CPAP: variants seen among roughly 807,000 people sequenced by gnomAD.
CPAP encodes centrosome assembly and centriole elongation protein.
the CPAP span, among the ~76,000 whole-genome samples, chr13:24,920,253 T>C: frequency 7.9e-5 from 12 of 152,250 alleles, no homozygotes; most frequent in South Asian, 1.9e-3. Flanking sequence ...ATCATGAATA[T>C]AGTTGTTACA....
the CPAP span, among the ~76,000 whole-genome samples, chr13:24,884,745 C>A: frequency 6.6e-6 from 1 of 152,194 alleles, no homozygotes; most frequent in Admixed American, 6.5e-5. Context: ...TACTGCTTTG[C>A]CTGTTGTTCT....
At chr13:24,927,511 C>T in the CPAP span, among the ~76,000 whole-genome samples, 1 of 152,136 alleles carries the variant, frequency 6.6e-6, no homozygotes, top group Non-Finnish European at 1.5e-5. Context: ...GGGCTCCCTT[C>T]CCCCCGCAGT....
chr13:24,905,721 T>C, the CPAP span: 1 of 1,614,236 alleles, frequency 6.2e-7, no homozygotes, highest in Non-Finnish European at 8.5e-7. Flanking sequence ...TTATGTTTTA[T>C]GCTTTCCATG....
At chr13:24,894,800 G>A in the CPAP span, among the ~76,000 whole-genome samples, 8 of 152,086 alleles carry the variant, frequency 5.3e-5, no homozygotes, top group Non-Finnish European at 1.2e-4. Context: ...TGCAAAGGGA[G>A]GGAGAGGCCG....
the CPAP span, among the ~76,000 whole-genome samples, chr13:24,919,631 G>C: frequency 6.6e-6 from 1 of 152,222 alleles, no homozygotes; most frequent in African/African-American, 2.4e-5. Context: ...TGTTGCCCAT[G>C]CTGGTCTCAA....
the CPAP span, chr13:24,883,455 G>C: frequency 9.2e-7 from 1 of 1,085,306 alleles, no homozygotes; most frequent in Non-Finnish European, 1.3e-6. Context: ...GTAGCCTTTT[G>C]AGTCTGGCAG....
chr13:24,903,449 G>A, the CPAP span, among the ~76,000 whole-genome samples: 1 of 152,204 alleles, frequency 6.6e-6, no homozygotes, highest in Non-Finnish European at 1.5e-5. Context: ...GGCAGAGACT[G>A]GAGTGATGTA....
chr13:24,910,557 A>G, the CPAP span, among the ~76,000 whole-genome samples: 1 of 152,182 alleles, frequency 6.6e-6, no homozygotes, highest in Non-Finnish European at 1.5e-5. Flanking sequence ...AGTTATTGGT[A>G]AATACAGCCC....
chr13:24,885,959 G>A, the CPAP span: 18 of 445,606 alleles, frequency 4.0e-5, no homozygotes, highest in Non-Finnish European at 7.4e-5. Context: ...ATCACAAGGT[G>A]TAAGGTGCAG....
At chr13:24,887,264 TTATAAG>T in the CPAP span, among the ~76,000 whole-genome samples, 1 of 152,156 alleles carries the variant, frequency 6.6e-6, no homozygotes, top group African/African-American at 2.4e-5. Context: ...TTTATGTAGA[TTATAAG>T]TATACCACTT....
At chr13:24,931,719 C>T in the CPAP span, among the ~76,000 whole-genome samples, 1 of 152,198 alleles carries the variant, frequency 6.6e-6, no homozygotes, top group South Asian at 2.1e-4. Flanking sequence ...TAACTAGTTA[C>T]AAACACTATC....
At chr13:24,893,663 C>T in the CPAP span, among the ~76,000 whole-genome samples, 1 of 152,232 alleles carries the variant, frequency 6.6e-6, no homozygotes, top group Non-Finnish European at 1.5e-5. Flanking sequence ...GATCCACAAC[C>T]TCCATGAATA....
the CPAP span, among the ~76,000 whole-genome samples, chr13:24,888,987 C>T: frequency 9.9e-5 from 15 of 151,936 alleles, no homozygotes; most frequent in African/African-American, 3.4e-4. Flanking sequence ...GTTGAGCATC[C>T]TTAATCCACA....
chr13:24,902,560 C>A, the CPAP span, among the ~76,000 whole-genome samples: 3 of 152,190 alleles, frequency 2.0e-5, no homozygotes, highest in Non-Finnish European at 4.4e-5. Context: ...TAATAGCTGT[C>A]TATAAACCTT....
At chr13:24,912,071 T>C in the CPAP span, 1 of 1,612,408 alleles carries the variant, frequency 6.2e-7, no homozygotes, top group South Asian at 1.1e-5. Flanking sequence ...TTCTTTCAGC[T>C]TTTTAAATAC....
the CPAP span, among the ~76,000 whole-genome samples, chr13:24,915,735 G>A: frequency 5.9e-5 from 9 of 152,272 alleles, no homozygotes; most frequent in East Asian, 1.5e-3. Context: ...GGAGGCGGGG[G>A]TTGCAGTGAG....
At chr13:24,907,968 T>C in the CPAP span, 21 of 1,244,424 alleles carry the variant, frequency 1.7e-5, no homozygotes, top group Non-Finnish European at 2.5e-5. Flanking sequence ...TAATAAAGGC[T>C]AGCTATTGTA....
chr13:24,901,985 T>C, the CPAP span, among the ~76,000 whole-genome samples: 7 of 152,166 alleles, frequency 4.6e-5, no homozygotes, highest in African/African-American at 1.7e-4. Context: ...AGCCAGACCC[T>C]GTCTCAAAAA....
the CPAP span, among the ~76,000 whole-genome samples, chr13:24,912,246 G>C: frequency 6.6e-6 from 1 of 151,946 alleles, no homozygotes; most frequent in South Asian, 2.1e-4. Context: ...CCTTACGAAG[G>C]AAATCTTATC....
Sources: gnomAD v4.1 joint callset for allele counts (sites outside exome capture counted in the v4.1 genomes callset) on GRCh38, gnomAD v4.1.1 for gene constraint, MANE v1.5 for transcripts, NCBI Gene and HGNC (gene_info 2026-07-23, HGNC 2026-07-21) for gene names.